GDAP2: variants seen among roughly 807,000 people sequenced by gnomAD.
The protein encoded by GDAP2 is ganglioside induced differentiation associated protein 2.
GDAP2 carries 51 observed loss-of-function variants against 67.0 expected under a neutral mutation model. The ratio of observed to expected loss-of-function variants is 0.76; its 90% confidence interval spans 0.61 to 0.96. The LOEUF is 0.96. Among genes scored for constraint, GDAP2 ranks in the 40% least tolerant of loss-of-function variants. GDAP2 has a pLI of 0.00. For synonymous variants in GDAP2, 203 were observed against 207.3 expected (o/e 0.98, Z 0.18); for missense variants, 547 against 588.3 (o/e 0.93, Z 0.73).
intron 6 of GDAP2, 38 bp downstream of exon 6, chr1:117,906,468 G>C: frequency 9.3e-7 from 1 of 1,069,968 alleles, no homozygotes; most frequent in South Asian, 1.3e-5. Context: ...CTTAAAGATA[G>C]AAATAAGATT....
chr1:117,909,967 A>G (rs1414842038), intron 5 of GDAP2, among the ~76,000 whole-genome samples: 1 of 152,198 alleles, frequency 6.6e-6, no homozygotes, highest in Admixed American at 6.5e-5. Flanking sequence ...TAGATATATA[A>G]AAGAAGCTAT....
At chr1:117,916,431 A>T (rs953466606) in intron 3 of GDAP2, among the ~76,000 whole-genome samples, 3 of 152,166 alleles carry the variant, frequency 2.0e-5, no homozygotes, top group African/African-American at 7.2e-5. Flanking sequence ...GGATCAGTTT[A>T]AGGAGTTTAG....
chr1:117,902,716 T>C (rs1649522243), intron 6 of GDAP2, among the ~76,000 whole-genome samples: 1 of 152,228 alleles, frequency 6.6e-6, no homozygotes, highest in South Asian at 2.1e-4. Flanking sequence ...GTTGTTCTTT[T>C]TTTCCAAAAT....
At chr1:117,880,191 G>A (rs957752211) in intron 12 of GDAP2, among the ~76,000 whole-genome samples, 1 of 151,956 alleles carries the variant, frequency 6.6e-6, no homozygotes, top group African/African-American at 2.4e-5. Context: ...TCTCTAAAAA[G>A]AGATGAGAAG....
chr1:117,916,900 G>A (rs1650063300), intron 3 of GDAP2, among the ~76,000 whole-genome samples: 1 of 152,022 alleles, frequency 6.6e-6, no homozygotes, highest in Non-Finnish European at 1.5e-5. Flanking sequence ...CAGGTATGGT[G>A]GCACACACCT....
chr1:117,907,421 G>C lies in GDAP2; in HGVS notation c.560-839C>G, dbSNP rs555023484. 2.0e-5 allele frequency among the ~76,000 whole-genome samples: 3 copies of C among 152,256 alleles called. No homozygotes were observed. The East Asian group carries it at 5.8e-4, about 29-fold the overall frequency. ...TACCTGATGCCTATTAGGTATATCT[G>C]CTTAGATAACTCACAGAGACCTCAA... On this transcript the variant is annotated intron_variant, in intron 5 of 13. Transcript: ENST00000369443.
chr1:117,909,732 A>G lies in GDAP2; in HGVS notation c.559+2262T>C, dbSNP rs550149776. 2.5e-3 allele frequency among the ~76,000 whole-genome samples: 385 copies of G among 152,294 alleles called. 2 individuals are homozygous for G. The highest frequency in any genetic ancestry group is 8.8e-3 in the African/African-American group (366 of 41,554). Reference sequence around the variant, plus strand: ...TAATTATATTTCTAGAAACTGCTTCATCAAAGTCCCTTATACCCATTATTG... The same window carrying G: ...TAATTATATTTCTAGAAACTGCTTCGTCAAAGTCCCTTATACCCATTATTG... On this transcript the variant is annotated intron_variant, in intron 5 of 13. Transcript: ENST00000369443.
chr1:117,884,993 G>A (rs1422917043), intron 10 of GDAP2, among the ~76,000 whole-genome samples: 1 of 151,924 alleles, frequency 6.6e-6, no homozygotes, highest in African/African-American at 2.4e-5. Flanking sequence ...CTACAGGCAT[G>A]TGCCACCATG....
Position 117,870,209 on chromosome 1 carries a change from A to G in GDAP2, c.*360T>C. 1 of 252,806 alleles carries G rather than the reference A, an allele frequency of 4.0e-6. No individual in the cohort carries two copies. The allele number at this position is 252,806 out of a possible 1,614,324, so 15.7% of individuals were successfully genotyped here. Reference sequence around the variant, plus strand: ...GAGAATCACTTAAGTACACAAAGGAAGCGTGCAATGTTAGAGAGATGATGT... The same window carrying G: ...GAGAATCACTTAAGTACACAAAGGAGGCGTGCAATGTTAGAGAGATGATGT... On this transcript the variant is annotated 3_prime_UTR_variant, in exon 14 of 14. Transcript: ENST00000369443.
At chr1:117,902,773 A>G (rs1649523532) in intron 6 of GDAP2, among the ~76,000 whole-genome samples, 1 of 152,174 alleles carries the variant, frequency 6.6e-6, no homozygotes, top group African/African-American at 2.4e-5. Flanking sequence ...GAAATTTAGG[A>G]TCAACTTGAT....
chr1:117,872,623 A>G (rs1648329185), intron 13 of GDAP2, among the ~76,000 whole-genome samples: 1 of 151,536 alleles, frequency 6.6e-6, no homozygotes, highest in African/African-American at 2.4e-5. Flanking sequence ...TCTCACTTAC[A>G]AGTAGGAGCT....
At chr1:117,871,601 G>A (rs181145526) in intron 13 of GDAP2, among the ~76,000 whole-genome samples, 1 of 152,254 alleles carries the variant, frequency 6.6e-6, no homozygotes, top group Non-Finnish European at 1.5e-5. Flanking sequence ...AGCAGGCAGT[G>A]AAATTGTTTG....
intron 9 of GDAP2, 106 bp downstream of exon 9, chr1:117,887,592 T>G: frequency 1.3e-6 from 1 of 754,652 alleles, no homozygotes; most frequent in South Asian, 1.4e-5. Flanking sequence ...AACCATTTTG[T>G]TCATAGATAC....
chr1:117,875,001 T>C (rs918573596), intron 13 of GDAP2, among the ~76,000 whole-genome samples: 6 of 151,996 alleles, frequency 3.9e-5, no homozygotes, highest in African/African-American at 1.5e-4. Flanking sequence ...TAACCAGATA[T>C]GAGAGCAAAG....
chr1:117,905,286 T>C (rs536042542), intron 6 of GDAP2, among the ~76,000 whole-genome samples: 108 of 152,214 alleles, frequency 7.1e-4, no homozygotes, highest in Non-Finnish European at 1.4e-3. Context: ...TTACAGGATG[T>C]GACACAAGGC....
At chr1:117,903,755 A>G (rs958373342) in intron 6 of GDAP2, among the ~76,000 whole-genome samples, 2 of 152,190 alleles carry the variant, frequency 1.3e-5, no homozygotes, top group African/African-American at 2.4e-5. Context: ...TACTGGACAG[A>G]GTTGAGAATT....
chr1:117,877,048 C>T (rs1166588464), intron 13 of GDAP2, among the ~76,000 whole-genome samples: 1 of 152,180 alleles, frequency 6.6e-6, no homozygotes, highest in Non-Finnish European at 1.5e-5. Context: ...ACTCTTTTCT[C>T]TTTCCTATAT....
intron 13 of GDAP2, among the ~76,000 whole-genome samples, chr1:117,872,760 T>C (rs1648335243): frequency 6.6e-6 from 1 of 152,108 alleles, no homozygotes; most frequent in Admixed American, 6.6e-5. Flanking sequence ...GATGGGTCGA[T>C]AGGTACAGCA....
At chr1:117,893,466 C>T (rs185394687) in intron 8 of GDAP2, among the ~76,000 whole-genome samples, 12 of 152,200 alleles carry the variant, frequency 7.9e-5, no homozygotes, top group East Asian at 1.9e-4. Context: ...AAAACTATTG[C>T]CAATCCATGT....
Sources: allele counts gnomAD v4.1 joint callset (sites outside exome capture counted in the v4.1 genomes callset), GRCh38; gene constraint gnomAD v4.1.1; transcripts MANE v1.5; gene names NCBI Gene and HGNC (gene_info 2026-07-23, HGNC 2026-07-21).